NALF1: variants seen among roughly 807,000 people sequenced by gnomAD.
NALF1 encodes the protein family with sequence similarity 155 member A.
A neutral mutation model predicts 48.4 loss-of-function variants in NALF1; 3 were observed. The ratio of observed to expected loss-of-function variants is 0.06; its 90% CI spans 0.03 to 0.16. The LOEUF (loss-of-function observed/expected upper bound fraction) is 0.16, where lower values mean the gene tolerates loss of function less well. NALF1 is among the 10% of genes least tolerant of loss of function. The pLI, the probability that NALF1 is intolerant of heterozygous loss-of-function variation, is 1.00. For synonymous variants in NALF1, 262 were observed against 245.7 expected (o/e 1.07, Z -0.62); for missense variants, 526 against 571.5 (o/e 0.92, Z 0.81).
At chr13:107,750,186 T>C (rs1177912657) in intron 1 of NALF1, among the ~76,000 whole-genome samples, 2 of 152,162 alleles carry the variant, frequency 1.3e-5, no homozygotes, top group Admixed American at 1.3e-4. Flanking sequence ...GCCCAGTGGC[T>C]GCCACACTGG....
At chr13:107,377,933 GTTA>G (rs1206660324) in intron 1 of NALF1, among the ~76,000 whole-genome samples, 1 of 152,166 alleles carries the variant, frequency 6.6e-6, no homozygotes, top group Non-Finnish European at 1.5e-5. Flanking sequence ...AAGTATGCAT[GTTA>G]TTATAATATT....
intron 1 of NALF1, among the ~76,000 whole-genome samples, chr13:107,392,366 C>T (rs1203402509): frequency 2.6e-5 from 4 of 152,122 alleles, no homozygotes; most frequent in Admixed American, 2.6e-4. Context: ...GAAGCTCCTC[C>T]AGCTCTTTAC....
At chr13:107,391,880 G>C (rs972847066) in intron 1 of NALF1, among the ~76,000 whole-genome samples, 2 of 151,962 alleles carry the variant, frequency 1.3e-5, no homozygotes, top group Non-Finnish European at 2.9e-5. Context: ...ACCACCTTGG[G>C]CACATGTTCT....
At chr13:107,673,027 G>A (rs1881027676) in intron 1 of NALF1, among the ~76,000 whole-genome samples, 1 of 152,082 alleles carries the variant, frequency 6.6e-6, no homozygotes, top group Admixed American at 6.6e-5. Context: ...AGTGTCAACA[G>A]CAAATGCACA....
intron 1 of NALF1, among the ~76,000 whole-genome samples, chr13:107,534,569 T>C (rs1358294429): frequency 6.6e-6 from 1 of 152,152 alleles, no homozygotes; most frequent in Non-Finnish European, 1.5e-5. Context: ...GATCAACATA[T>C]TACTTAAGTA....
chr13:107,409,637 G>C (rs1316767249), intron 1 of NALF1, among the ~76,000 whole-genome samples: 1 of 152,172 alleles, frequency 6.6e-6, no homozygotes, highest in African/African-American at 2.4e-5. Flanking sequence ...ACCTACACTA[G>C]AGCCTTGTGC....
chr13:107,348,883 T>C (rs1452135084), intron 1 of NALF1, among the ~76,000 whole-genome samples: 2 of 152,246 alleles, frequency 1.3e-5, no homozygotes, highest in Non-Finnish European at 2.9e-5. Flanking sequence ...TCCCTCATGT[T>C]AAACCTCTCT....
intron 1 of NALF1, among the ~76,000 whole-genome samples, chr13:107,423,863 G>T (rs915012855): frequency 4.3e-4 from 65 of 152,102 alleles, no homozygotes; most frequent in African/African-American, 1.5e-3. Context: ...TCTTCCAAAA[G>T]CTTTAGAATA....
At chr13:107,557,970 A>G (rs886571891) in intron 1 of NALF1, among the ~76,000 whole-genome samples, 1 of 152,052 alleles carries the variant, frequency 6.6e-6, no homozygotes, top group Non-Finnish European at 1.5e-5. Flanking sequence ...GGGATGTGTC[A>G]CTGTTGTGCT....
chr13:107,570,125 A>G (rs1269775544), intron 1 of NALF1, among the ~76,000 whole-genome samples: 1 of 152,264 alleles, frequency 6.6e-6, no homozygotes, highest in African/African-American at 2.4e-5. Context: ...TGTTTTCTAT[A>G]ATCATGTCAT....
At chr13:107,560,575 T>C (rs1877616005) in intron 1 of NALF1, among the ~76,000 whole-genome samples, 1 of 152,208 alleles carries the variant, frequency 6.6e-6, no homozygotes, top group Non-Finnish European at 1.5e-5. Flanking sequence ...TACTACATTG[T>C]CATTTTAAAT....
chr13:107,467,884 A>C (rs1885031592), intron 1 of NALF1, among the ~76,000 whole-genome samples: 1 of 151,926 alleles, frequency 6.6e-6, no homozygotes, highest in Admixed American at 6.6e-5. Context: ...ACAAAAAAAT[A>C]AATAAATAAA....
intron 1 of NALF1, among the ~76,000 whole-genome samples, chr13:107,613,313 A>G (rs1192344328): frequency 1.3e-5 from 2 of 152,218 alleles, no homozygotes; most frequent in African/African-American, 4.8e-5. Flanking sequence ...AACATTACAA[A>G]AAAGAAACCT....
intron 1 of NALF1, among the ~76,000 whole-genome samples, chr13:107,470,228 T>G (rs774771163): frequency 2.6e-5 from 4 of 152,234 alleles, no homozygotes; most frequent in African/African-American, 4.8e-5. Context: ...CTTAAACTAT[T>G]CATTTTAAAT....
chr13:107,845,469 C>T (rs1880146749), intron 1 of NALF1, among the ~76,000 whole-genome samples: 1 of 152,118 alleles, frequency 6.6e-6, no homozygotes, highest in African/African-American at 2.4e-5. Context: ...TGCCCTAACA[C>T]GATTCACTCC....
chr13:107,609,621 C>T lies in NALF1; in HGVS notation c.915+256061G>A, dbSNP rs573572101. On this transcript the variant is annotated intron_variant, in intron 1 of 2. Transcript: ENST00000375915. ...GAGAATGTGTGTCCCTGTGGGTCTC[C>T]GCAAGTGACAGACGTGTTGTTTTTA... Among the ~76,000 whole-genome samples the T allele has an allele frequency of 4.6e-5, 7 of 152,182 alleles. No homozygotes were observed. The East Asian group carries it at 5.8e-4, about 13-fold the overall frequency.
intron 1 of NALF1, among the ~76,000 whole-genome samples, chr13:107,665,822 T>C (rs1185791799): frequency 3.9e-5 from 6 of 152,124 alleles, no homozygotes; most frequent in African/African-American, 1.2e-4. Context: ...ATAAACTTTA[T>C]TTTTCAACAT....
chr13:107,349,784 C>T (rs146284609), intron 1 of NALF1, among the ~76,000 whole-genome samples: 1,593 of 151,684 alleles, frequency 0.011, 14 homozygotes, highest in Middle Eastern at 0.031. Context: ...TTATCTCCTC[C>T]GTGCAAGATA....
intron 1 of NALF1, among the ~76,000 whole-genome samples, chr13:107,639,768 C>T (rs760591304): frequency 5.3e-5 from 8 of 152,146 alleles, no homozygotes; most frequent in Non-Finnish European, 8.8e-5. Flanking sequence ...TAAAGAGGGT[C>T]ATGTCCAGCT....
Sources: allele counts gnomAD v4.1 joint callset (sites outside exome capture counted in the v4.1 genomes callset), GRCh38; gene constraint gnomAD v4.1.1; transcripts MANE v1.5; gene names NCBI Gene and HGNC (gene_info 2026-07-23, HGNC 2026-07-21).